The following LIN7A variants were observed in gnomAD, a reference collection of about 807,000 sequenced individuals.
The protein encoded by LIN7A is lin-7 cell polarity scaffold A.
A neutral mutation model predicts 29.8 loss-of-function variants in LIN7A; 25 were observed. That is an observed-to-expected ratio of 0.84 (90% confidence interval 0.61 to 1.17). The LOEUF (loss-of-function observed/expected upper bound fraction) is 1.17, where lower values mean the gene tolerates loss of function less well. LIN7A is among the 50% of genes most tolerant of loss of function. The probability of loss-of-function intolerance (pLI) is 0.00; values close to 1 mark genes in which losing one functional copy is unlikely to be tolerated. For missense variants in LIN7A, 239 were observed against 287.0 expected (o/e 0.83, Z 1.21); for synonymous variants, 118 against 107.5 (o/e 1.10, Z -0.60).
chr12:80,863,322 A>G (rs1873969791), intron 2 of LIN7A, among the ~76,000 whole-genome samples: 3 of 152,348 alleles, frequency 2.0e-5, no homozygotes, highest in Admixed American at 2.0e-4. Context: ...GAGGCAGTAA[A>G]TATGCATAAT....
At chr12:80,916,926 G>T (rs1877057833) in intron 1 of LIN7A, among the ~76,000 whole-genome samples, 1 of 152,156 alleles carries the variant, frequency 6.6e-6, no homozygotes, top group Admixed American at 6.5e-5. Context: ...ACCAGGCTGT[G>T]TTCTAGCATT....
At chr12:80,910,199 G>A (rs1876685024) in intron 1 of LIN7A, among the ~76,000 whole-genome samples, 1 of 152,006 alleles carries the variant, frequency 6.6e-6, no homozygotes, top group Admixed American at 6.6e-5. Flanking sequence ...CTATTATACA[G>A]AAATACAACT....
At chr12:80,807,078 T>TTTTTTGTTTTTTG (rs1871054428) in intron 5 of LIN7A, among the ~76,000 whole-genome samples, 1 of 115,098 alleles carries the variant, frequency 8.7e-6, no homozygotes, top group Non-Finnish European at 1.7e-5. Flanking sequence ...TTTTTTTTTT[T>TTTTTTGTTTTTTG]TTTTTTTTTT....
chr12:80,842,275 A>G (rs1422072123), intron 4 of LIN7A: 1 of 406,500 alleles, frequency 2.5e-6, no homozygotes, highest in Non-Finnish European at 3.7e-6. Context: ...TCCTATTTAA[A>G]AAGTAAAGAA....
chr12:80,935,759 C>T (rs1157712713), intron 1 of LIN7A: 1 of 506,606 alleles, frequency 2.0e-6, no homozygotes. Context: ...CAGGGTAAAC[C>T]TGCTTGTCTC....
intron 5 of LIN7A, among the ~76,000 whole-genome samples, chr12:80,809,705 A>G (rs933630988): frequency 1.3e-5 from 2 of 152,222 alleles, no homozygotes; most frequent in South Asian, 2.1e-4. Flanking sequence ...GGCATAGGGC[A>G]TAGTAGGAAC....
intron 2 of LIN7A, among the ~76,000 whole-genome samples, chr12:80,863,481 A>G (rs1873979869): frequency 1.3e-5 from 2 of 152,332 alleles, no homozygotes; most frequent in East Asian, 3.9e-4. Flanking sequence ...CCAAGCCGCA[A>G]TTAACCATAG....
chr12:80,818,486 T>A (rs1361581871), intron 4 of LIN7A, among the ~76,000 whole-genome samples: 1 of 152,242 alleles, frequency 6.6e-6, no homozygotes, highest in Non-Finnish European at 1.5e-5. Context: ...CAGATCAACC[T>A]GAAATGAGCT....
chr12:80,808,967 T>A (rs1871165430), intron 5 of LIN7A, among the ~76,000 whole-genome samples: 2 of 136,846 alleles, frequency 1.5e-5, no homozygotes. Context: ...TCTGTGTAGC[T>A]TCTTCTTTTC....
chr12:80,926,127 ACTTTT>A (rs1186997781), intron 1 of LIN7A, among the ~76,000 whole-genome samples: 3 of 152,054 alleles, frequency 2.0e-5, no homozygotes, highest in African/African-American at 7.2e-5. Context: ...TCCACTGTTA[ACTTTT>A]CTTCTCTGCA....
chr12:80,916,739 G>T (rs1877047768), intron 1 of LIN7A, among the ~76,000 whole-genome samples: 1 of 152,198 alleles, frequency 6.6e-6, no homozygotes, highest in South Asian at 2.1e-4. Flanking sequence ...AACCTAGGTT[G>T]CAGGAATAGG....
At chr12:80,923,148 C>T (rs1358233074) in intron 1 of LIN7A, among the ~76,000 whole-genome samples, 2 of 152,354 alleles carry the variant, frequency 1.3e-5, no homozygotes, top group South Asian at 2.1e-4. Flanking sequence ...AACTTGCACT[C>T]TTTCTACCGG....
At chr12:80,908,970 T>G (rs531257096) in intron 1 of LIN7A, among the ~76,000 whole-genome samples, 1 of 152,256 alleles carries the variant, frequency 6.6e-6, no homozygotes, top group East Asian at 1.9e-4. Flanking sequence ...TTTTAAAGAC[T>G]AATACTTTTT....
intron 5 of LIN7A, among the ~76,000 whole-genome samples, chr12:80,805,044 T>A (rs1432715936): frequency 6.6e-6 from 1 of 152,236 alleles, no homozygotes; most frequent in East Asian, 1.9e-4. Flanking sequence ...ATAGTGGTTG[T>A]ACTAATTAGT....
chr12:80,896,235 G>A (rs1460780717), intron 1 of LIN7A, among the ~76,000 whole-genome samples: 1 of 152,158 alleles, frequency 6.6e-6, no homozygotes, highest in African/African-American at 2.4e-5. Flanking sequence ...CTAAAGTGAG[G>A]GAGTAAGCCT....
chr12:80,915,288 C>A (rs1316983770), intron 1 of LIN7A, among the ~76,000 whole-genome samples: 2 of 151,964 alleles, frequency 1.3e-5, no homozygotes, highest in Non-Finnish European at 2.9e-5. Flanking sequence ...CACTAATCAT[C>A]AGAAAATGCA....
At chr12:80,915,152 CAA>C (rs3073421) in intron 1 of LIN7A, among the ~76,000 whole-genome samples, 27,078 of 104,862 alleles carry the variant, frequency 0.26, 4,448 homozygotes, top group African/African-American at 0.48. Context: ...AATCAACAAG[CAA>C]AAAAAAAAAA....
chr12:80,872,865 C>T (rs868738181), intron 2 of LIN7A, among the ~76,000 whole-genome samples: 4 of 152,164 alleles, frequency 2.6e-5, no homozygotes, highest in East Asian at 1.9e-4. Context: ...TTCTAAAATA[C>T]GGAGTCAACA....
intron 5 of LIN7A, among the ~76,000 whole-genome samples, chr12:80,807,355 C>CCA (rs1871095350): frequency 6.6e-6 from 1 of 152,162 alleles, no homozygotes; most frequent in South Asian, 2.1e-4. Context: ...CAGGCATGAG[C>CCA]CACCGCACCT....
Sources: allele counts gnomAD v4.1 joint callset (sites outside exome capture counted in the v4.1 genomes callset), GRCh38; gene constraint gnomAD v4.1.1; transcripts MANE v1.5; gene names NCBI Gene and HGNC (gene_info 2026-07-23, HGNC 2026-07-21).